Variants in DCHS2 observed in about 807,000 individuals in gnomAD.
The protein encoded by DCHS2 is dachsous cadherin-related 2, also known as protocadherin-23.
In DCHS2, 142 loss-of-function variants were observed where a neutral mutation model predicts 182.4. That is an observed-to-expected ratio of 0.78 (90% confidence interval 0.68 to 0.89). DCHS2 has a LOEUF of 0.89. Ranked by LOEUF, DCHS2 falls within the 40% of genes least tolerant of loss-of-function variation. The pLI, the probability that DCHS2 is intolerant of heterozygous loss-of-function variation, is 0.00. For synonymous variants in DCHS2, 1,740 were observed against 1,663.3 expected, an observed-to-expected ratio of 1.05 and a Z score of -1.12; for missense variants, 4,319 against 4,198.6, an observed-to-expected ratio of 1.03 and a Z score of -0.79.
Position 154,488,078 on chromosome 4 carries a change from T to G in DCHS2, c.2052+1226A>C, listed in dbSNP as rs190962211. Among the ~76,000 whole-genome samples, 165 of 152,278 alleles carry G rather than the reference T, an allele frequency of 1.1e-3. 1 individual carries two copies. The highest frequency in any genetic ancestry group is 3.9e-3 in the African/African-American group (162 of 41,544). On this transcript the variant is annotated intron_variant, in intron 1 of 19. Coordinates refer to ENST00000357232, the MANE Select transcript of DCHS2 (RefSeq NM_001358235.2). ...CTGTGCTTGCAGCTACTTGGGAGAC[T>G]GAGGTGGGAGAATCACTTTACCCTG...
chr4:154,400,227 C>T (rs972834754), intron 1 of DCHS2, among the ~76,000 whole-genome samples: 3 of 141,848 alleles, frequency 2.1e-5, no homozygotes, highest in African/African-American at 2.5e-5. Flanking sequence ...GGTGTGAACC[C>T]GGGAGGCGGA....
Position 154,490,229 on chromosome 4 carries a change from T to G in DCHS2, c.1127A>C (p.Gln376Pro). 1 of 1,549,688 alleles carries G rather than the reference T, an allele frequency of 6.5e-7. No homozygotes were observed. Among genetic ancestry groups the G allele is most frequent in the South Asian group, 1.2e-5 (1 of 84,040 alleles). The stretch of plus-strand genomic sequence containing the variant: ...CTCCACCACCAACTGGTGCCAGGCC[T>G]GTGCCTCGCGGTCCAGAGGTCTCCA... ...RVWRPLDREA[Q>P]AWHQLVVEAR... The change falls in exon 1 of 20, where the codon CAG becomes CCG. Residue 376 changes from glutamine (Q) to proline (P), a missense_variant. Transcript: ENST00000357232.
intron 3 of DCHS2, 126 bp downstream of exon 3, chr4:154,366,084 A>G: frequency 1.5e-6 from 1 of 674,830 alleles, no homozygotes; most frequent in South Asian, 1.9e-5. Flanking sequence ...ATCTGCTAGA[A>G]GGTTAAGTGA....
At position 154,344,233 on chromosome 4, in the gene DCHS2, G is replaced by A. The variant is rs147099556; in HGVS notation, c.2477-9129C>T. Among the ~76,000 whole-genome samples, 565 of 152,266 alleles carry A rather than the reference G, an allele frequency of 3.7e-3. 26 individuals carry two copies. In the East Asian group the frequency reaches 0.091, roughly 24 times the overall value. ...TAATAATAATGAAAAAGTTTGAAAT[G>A]TTATGAGAATTATCAAAATGTGACA... On this transcript the variant is annotated intron_variant, in intron 3 of 19. Coordinates refer to ENST00000357232, the MANE Select transcript of DCHS2 (RefSeq NM_001358235.2).
chr4:154,277,653 T>G (rs892873571), intron 13 of DCHS2, among the ~76,000 whole-genome samples: 1 of 123,700 alleles, frequency 8.1e-6, no homozygotes, highest in African/African-American at 3.1e-5. Flanking sequence ...AAAAAGACAA[T>G]AAGGAATATG....
intron 3 of DCHS2, among the ~76,000 whole-genome samples, chr4:154,347,412 C>A (rs796166061): frequency 2.3e-4 from 35 of 151,560 alleles, no homozygotes; most frequent in African/African-American, 8.0e-4. Context: ...CTAGTTTGAT[C>A]TTCAGCAGTT....
At position 154,387,900 on chromosome 4, in the gene DCHS2, A is replaced by C; in HGVS notation, c.2053-10456T>G. Among the ~76,000 whole-genome samples the C allele has an allele frequency of 1.3e-5, 2 of 152,272 alleles. 1 individual carries two copies. Among genetic ancestry groups the C allele is most frequent in the South Asian group, 4.1e-4 (2 of 4,820 alleles). On this transcript the variant is annotated intron_variant, in intron 1 of 19. Coordinates refer to ENST00000357232, the MANE Select transcript of DCHS2 (RefSeq NM_001358235.2). The stretch of plus-strand genomic sequence containing the variant: ...CAATTCATAGAAAAATATATTTAAG[A>C]TATTCAACTTCACTTGTAATTAAAT...
rs868582579 is a variant in DCHS2 at position 154,320,457 on chromosome 4, C to A, written c.4942G>T (p.Glu1648Ter). 1.2e-6 allele frequency: 2 copies of A among 1,614,078 alleles called. No homozygotes were observed. Among genetic ancestry groups the A allele is most frequent in the Non-Finnish European group, 8.5e-7 (1 of 1,180,006 alleles). Residue 1648 changes from glutamate to a stop codon, truncating the protein, a stop_gained, in exon 9 of 20, where the codon GAA becomes TAA. Transcript: ENST00000357232. LOFTEE classifies it high-confidence loss of function. ...VHHITAHDPD[E>*]GRNGKVTYSI... is the part of the protein sequence containing the mutation. ...TATGTTACTTTTCCATTCCTTCCTT[C>A]GTCTGGATCGTGAGCAGTTATGTGG...
chr4:154,397,220 G>A (rs1287503475), intron 1 of DCHS2, among the ~76,000 whole-genome samples: 1 of 152,162 alleles, frequency 6.6e-6, no homozygotes, highest in Non-Finnish European at 1.5e-5. Flanking sequence ...ACATGGGCAA[G>A]CATTTATCAG....
intron 12 of DCHS2, 65 bp from the exon 13 acceptor site, chr4:154,298,773 T>A (rs1735078321): frequency 2.7e-6 from 4 of 1,505,512 alleles, no homozygotes. Context: ...GCTAGCACTA[T>A]CTATGGTATT....
chr4:154,295,071 T>G (rs1156528730), intron 13 of DCHS2, among the ~76,000 whole-genome samples: 1 of 152,170 alleles, frequency 6.6e-6, no homozygotes, highest in Non-Finnish European at 1.5e-5. Context: ...TATATATCAG[T>G]CTCTTTCATA....
In DCHS2 at chr4:154,235,899, G is replaced by A; in HGVS notation, c.8753C>T (p.Ser2918Phe). 1 of 1,614,000 alleles carries A rather than the reference G, an allele frequency of 6.2e-7. No individual in the cohort carries two copies. Among genetic ancestry groups the A allele is most frequent in the Non-Finnish European group, 8.5e-7 (1 of 1,179,942 alleles). ...AAAGAAAGGAGATGAGGTTCCAAGG[G>A]AGTAAAGAATGACTCCATCAATACC... ...DAGIDGVILY[S>F]LGTSSPFFSV... Residue 2918 changes from serine to phenylalanine, a missense_variant, in exon 20 of 20, where the codon TCC becomes TTC. Coordinates refer to ENST00000357232, the MANE Select transcript of DCHS2 (RefSeq NM_001358235.2).
intron 1 of DCHS2, among the ~76,000 whole-genome samples, chr4:154,487,765 C>A (rs1159188181): frequency 1.3e-5 from 2 of 152,180 alleles, no homozygotes; most frequent in Admixed American, 6.5e-5. Flanking sequence ...AGGCTGAGAG[C>A]AAAATTAAGC....
At chr4:154,257,109 G>A (rs1247981217) in intron 15 of DCHS2, among the ~76,000 whole-genome samples, 2 of 152,150 alleles carry the variant, frequency 1.3e-5, no homozygotes, top group African/African-American at 2.4e-5. Flanking sequence ...TTAGCTGGGC[G>A]TGGTGGCATA....
chr4:154,345,265 T>C (rs902600822), intron 3 of DCHS2, among the ~76,000 whole-genome samples: 1 of 152,214 alleles, frequency 6.6e-6, no homozygotes. Flanking sequence ...CCATCATATG[T>C]TAATCTTGGT....
intron 3 of DCHS2, among the ~76,000 whole-genome samples, chr4:154,357,902 T>A (rs1015346723): frequency 6.6e-6 from 1 of 152,186 alleles, no homozygotes; most frequent in East Asian, 1.9e-4. Context: ...CTTTATTCTG[T>A]CAGTCTTTCC....
rs142378762 is a variant in DCHS2, at chr4:154,344,921, G to A, written c.2477-9817C>T. ...GAGGGCAGTGCTCACTGTCCAAAAGGTCTTGCGTGGCTGACATAGCTGATG... is the reference window on the plus strand; with the variant it reads ...GAGGGCAGTGCTCACTGTCCAAAAGATCTTGCGTGGCTGACATAGCTGATG... On this transcript the variant is annotated intron_variant, in intron 3 of 19. Transcript: ENST00000357232. Among the ~76,000 whole-genome samples the A allele has an allele frequency of 3.5e-3, 540 of 152,332 alleles. 2 individuals are homozygous for A. Among genetic ancestry groups the A allele is most frequent in the Non-Finnish European group, 6.2e-3 (425 of 68,038 alleles).
chr4:154,331,496 G>T, intron 5 of DCHS2: 1 of 1,429,762 alleles, frequency 7.0e-7, no homozygotes, highest in Non-Finnish European at 9.5e-7. Context: ...TCAGTTTAGG[G>T]AGTGAATGAG....
intron 13 of DCHS2, among the ~76,000 whole-genome samples, chr4:154,289,146 CA>C (rs1734540171): frequency 6.6e-6 from 1 of 151,752 alleles, no homozygotes; most frequent in Non-Finnish European, 1.5e-5. Context: ...ATCAATGAAA[CA>C]AAAAATTGGC....
Sources: gnomAD v4.1 joint callset for allele counts (sites outside exome capture counted in the v4.1 genomes callset) on GRCh38, gnomAD v4.1.1 for gene constraint, MANE v1.5 for transcripts, NCBI Gene and HGNC (gene_info 2026-07-23, HGNC 2026-07-21) for gene names.